The following PCDHGA3 variants were observed in gnomAD, a reference collection of about 807,000 sequenced individuals.
PCDHGA3 encodes the protein protocadherin gamma-A3.
In PCDHGA3, 40 loss-of-function variants were observed where a neutral mutation model predicts 58.5. That is an observed-to-expected ratio of 0.68 (90% CI 0.53 to 0.89). PCDHGA3 has a LOEUF of 0.89. PCDHGA3 is among the 40% of genes least tolerant of loss of function. PCDHGA3 has a pLI of 0.00. For missense variants in PCDHGA3, 1,223 were observed against 1,195.9 expected (o/e 1.02, Z -0.33); for synonymous variants, 530 against 525.7 (o/e 1.01, Z -0.11).
intron 1 of PCDHGA3, chr5:141,370,520 CA>C: frequency 6.2e-7 from 1 of 1,613,870 alleles, no homozygotes; most frequent in Non-Finnish European, 8.5e-7. Flanking sequence ...AGGAGCTGGA[CA>C]GGGGCTCGCT....
intron 1 of PCDHGA3, chr5:141,371,963 G>A: frequency 6.2e-7 from 1 of 1,613,264 alleles, no homozygotes; most frequent in Non-Finnish European, 8.5e-7. Context: ...TCGACCACGA[G>A]CAGCTGCGTG....
rs750109717 is a variant in PCDHGA3, at chr5:141,490,546, A to C, written c.2425-4261A>C. 1.9e-6 allele frequency: 3 copies of C among 1,614,110 alleles called. No individual in the cohort carries two copies. Among genetic ancestry groups the C allele is most frequent in the Non-Finnish European group, 2.5e-6 (3 of 1,180,036 alleles). On this transcript the variant is annotated intron_variant, in intron 1 of 3. Transcript: ENST00000253812. The surrounding 1 kb of genome is among the most constrained non-coding windows in gnomAD (Gnocchi z 5.4). ...CGATGCTGGTTCACCTTCCCTACAC[A>C]AACATCTCACCATCAGGCTCAACAT...
intron 1 of PCDHGA3, among the ~76,000 whole-genome samples, chr5:141,373,247 G>A (rs558862045): frequency 1.3e-5 from 2 of 152,208 alleles, no homozygotes; most frequent in African/African-American, 4.8e-5. Context: ...ACTTCCCTTT[G>A]CATGTTTTTA....
intron 1 of PCDHGA3, among the ~76,000 whole-genome samples, chr5:141,458,368 A>C (rs934670055): frequency 3.9e-5 from 6 of 152,112 alleles, no homozygotes; most frequent in Admixed American, 3.9e-4. Flanking sequence ...GAAGGAAGGG[A>C]GAAGAGAGAA....
At chr5:141,388,824 T>A in intron 1 of PCDHGA3, 1 of 1,613,960 alleles carries the variant, frequency 6.2e-7, no homozygotes, top group Non-Finnish European at 8.5e-7. Flanking sequence ...CAAAGAATAT[T>A]CCATAGTTTT....
intron 1 of PCDHGA3, chr5:141,356,925 G>A: frequency 6.2e-7 from 1 of 1,614,212 alleles, no homozygotes. Context: ...CCACTGGTGT[G>A]GAGCTGGCAC....
chr5:141,413,524 A>T lies in PCDHGA3; in HGVS notation c.2424+67067A>T, dbSNP rs772774054. The T allele has an allele frequency of 9.3e-6, 15 of 1,613,856 alleles. No individual in the cohort carries two copies. In the Admixed American group the frequency reaches 2.5e-4, roughly 27 times the overall value. ...GAGTTTTAATATCCTTGTGGAAGACAGGGTGAAACTTTTTGGGATAGAAAT... is the reference window on the plus strand; with the variant it reads ...GAGTTTTAATATCCTTGTGGAAGACTGGGTGAAACTTTTTGGGATAGAAAT... On this transcript the variant is annotated intron_variant, in intron 1 of 3. Coordinates refer to ENST00000253812, the MANE Select transcript of PCDHGA3 (RefSeq NM_018916.4).
intron 1 of PCDHGA3, chr5:141,419,876 C>T (rs1219393740): frequency 1.4e-5 from 23 of 1,614,084 alleles, no homozygotes; most frequent in Non-Finnish European, 1.9e-5. Flanking sequence ...AGAGGTACTG[C>T]CGGATTTCAG....
At chr5:141,378,836 C>T (rs912790603) in intron 1 of PCDHGA3, 1 of 152,138 alleles carries the variant, frequency 6.6e-6, no homozygotes, top group African/African-American at 2.4e-5. Flanking sequence ...CAGAAAACAG[C>T]AGAGTTTTTG....
At chr5:141,429,396 T>A (rs2097212352) in intron 1 of PCDHGA3, among the ~76,000 whole-genome samples, 1 of 151,520 alleles carries the variant, frequency 6.6e-6, no homozygotes, top group African/African-American at 2.4e-5. Context: ...TTAAAAAAAA[T>A]TGAGATTAAG....
At chr5:141,422,729 C>G (rs1352451042) in intron 1 of PCDHGA3, 1 of 1,606,960 alleles carries the variant, frequency 6.2e-7, no homozygotes, top group South Asian at 1.1e-5. Flanking sequence ...CAGGGGGTGC[C>G]TCTGTCCTCC....
chr5:141,362,539 T>A (rs773303808), intron 1 of PCDHGA3: 1 of 1,613,828 alleles, frequency 6.2e-7, no homozygotes, highest in South Asian at 1.1e-5. Flanking sequence ...CCCTTTTGCC[T>A]CAGATACTAT....
intron 1 of PCDHGA3, chr5:141,423,105 G>C (rs1480411428): frequency 1.9e-6 from 3 of 1,613,920 alleles, no homozygotes; most frequent in East Asian, 4.5e-5. Flanking sequence ...ACACGGGCGA[G>C]GTGCGTACAG....
Position 141,436,609 on chromosome 5 carries a change from A to G in PCDHGA3, c.2425-58198A>G, listed in dbSNP as rs182981534. On this transcript the variant is annotated intron_variant, in intron 1 of 3. Coordinates refer to ENST00000253812, the MANE Select transcript of PCDHGA3 (RefSeq NM_018916.4). ...AAAGGTCGTGGTGATGGCTAGGGCT[A>G]ACAAAAATCTGATTCACAACATGCA... Among the ~76,000 whole-genome samples, 5 of 152,334 alleles carry G rather than the reference A, an allele frequency of 3.3e-5. No homozygotes were observed. The East Asian group carries it at 5.8e-4, about 18-fold the overall frequency.
At chr5:141,355,628 C>T (rs1759918575) in intron 1 of PCDHGA3, 1 of 1,613,862 alleles carries the variant, frequency 6.2e-7, no homozygotes, top group South Asian at 1.1e-5. Flanking sequence ...ATAAAAGTTG[C>T]TGAAAATGAA....
rs551129846 is a variant in PCDHGA3, at chr5:141,432,711, A to T, written c.2425-62096A>T. 5 of 1,613,944 alleles carry T rather than the reference A, an allele frequency of 3.1e-6. No individual in the cohort carries two copies. The Admixed American group carries it at 8.3e-5, about 27-fold the overall frequency. ...GTAGTGGCCGTCCAGGACCACGGCCAGCCCCCTCTCTCCGCCACTGTCACG... is the reference window on the plus strand; with the variant it reads ...GTAGTGGCCGTCCAGGACCACGGCCTGCCCCCTCTCTCCGCCACTGTCACG... On this transcript the variant is annotated intron_variant, in intron 1 of 3. Transcript: ENST00000253812. This position sits in a 1 kb window ranked among gnomAD's most constrained non-coding sequence, Gnocchi z 6.0.
chr5:141,398,656 A>G, intron 1 of PCDHGA3: 1 of 1,614,034 alleles, frequency 6.2e-7, no homozygotes, highest in African/African-American at 1.3e-5. Context: ...TCTTAACCCA[A>G]GTTTCTCATT....
chr5:141,494,586 G>A (rs770159202), intron 1 of PCDHGA3, among the ~76,000 whole-genome samples: 1 of 152,112 alleles, frequency 6.6e-6, no homozygotes, highest in Non-Finnish European at 1.5e-5. Context: ...GCTCACTGTG[G>A]TCAGATGAAA....
chr5:141,385,537 T>C (rs1486400401), intron 1 of PCDHGA3: 7 of 1,341,300 alleles, frequency 5.2e-6, no homozygotes, highest in Non-Finnish European at 6.7e-6. Flanking sequence ...ATTATGAATA[T>C]GTGGACTATC....
Sources: allele counts gnomAD v4.1 joint callset (sites outside exome capture counted in the v4.1 genomes callset), GRCh38; gene constraint gnomAD v4.1.1; non-coding constraint Gnocchi (gnomAD v3.1); transcripts MANE v1.5; gene names NCBI Gene and HGNC (gene_info 2026-07-23, HGNC 2026-07-21).